Variants in BBX observed in about 807,000 individuals in gnomAD.
BBX encodes BBX high mobility group box domain containing.
Under a neutral mutation model 100.2 loss-of-function variants are expected in BBX, and 30 were observed. The observed-to-expected ratio is 0.30, with a 90% CI of 0.22 to 0.41. BBX has a LOEUF of 0.41. Ranked by LOEUF, BBX falls within the 10% of genes least tolerant of loss-of-function variation. BBX has a pLI of 1.00. For synonymous variants in BBX, 376 were observed against 388.1 expected, an observed-to-expected ratio of 0.97 and a Z score of 0.37; for missense variants, 1,023 against 1,129.8, an observed-to-expected ratio of 0.91 and a Z score of 1.35.
At chr3:107,801,031 T>C (rs879858957) in intron 16 of BBX, 64 bp from the exon 17 acceptor site, 1 of 1,498,122 alleles carries the variant, frequency 6.7e-7, no homozygotes, top group Non-Finnish European at 9.1e-7. Context: ...CACAGCGTTT[T>C]CTATGTCTCT....
intron 2 of BBX, among the ~76,000 whole-genome samples, chr3:107,557,877 G>C (rs544080011): frequency 1.4e-4 from 22 of 152,214 alleles, no homozygotes; most frequent in Non-Finnish European, 2.6e-4. Flanking sequence ...TATGGTCAAG[G>C]AATGTTTAGT....
intron 15 of BBX, among the ~76,000 whole-genome samples, chr3:107,791,991 A>C (rs908544926): frequency 2.8e-4 from 42 of 152,204 alleles, no homozygotes; most frequent in Non-Finnish European, 2.2e-4. Flanking sequence ...ACAACAACAA[A>C]AAAGAATAGA....
chr3:107,679,108 G>C lies in BBX; in HGVS notation c.-9-31344G>C, dbSNP rs2059440274. On this transcript the variant is annotated intron_variant, in intron 3 of 17. Transcript: ENST00000325805. ...AGTGAAATTAAGCAGGATGGTCTAG[G>C]ATTTCTTTCAAAGTCATATTTAAGG... 2.0e-5 allele frequency among the ~76,000 whole-genome samples: 3 copies of C among 150,800 alleles called. No homozygotes were observed. The South Asian group carries it at 6.3e-4, about 32-fold the overall frequency.
chr3:107,736,465 C>A (rs2063644470), intron 7 of BBX, among the ~76,000 whole-genome samples: 1 of 149,562 alleles, frequency 6.7e-6, no homozygotes, highest in Non-Finnish European at 1.5e-5. Context: ...AAATGTAGAA[C>A]AAATAAAAGT....
At chr3:107,544,451 T>C (rs1165049463) in intron 2 of BBX, among the ~76,000 whole-genome samples, 1 of 152,196 alleles carries the variant, frequency 6.6e-6, no homozygotes, top group Non-Finnish European at 1.5e-5. Flanking sequence ...CAGGCAGTTA[T>C]ATCCTAGGAA....
intron 10 of BBX, among the ~76,000 whole-genome samples, chr3:107,759,119 G>A (rs2065703377): frequency 6.6e-6 from 1 of 152,180 alleles, no homozygotes; most frequent in African/African-American, 2.4e-5. Flanking sequence ...GAGATACTTG[G>A]ATTGGCCTGT....
intron 10 of BBX, among the ~76,000 whole-genome samples, chr3:107,757,039 A>G (rs1433270780): frequency 1.3e-5 from 2 of 152,254 alleles, no homozygotes; most frequent in South Asian, 2.1e-4. Flanking sequence ...TTTTTCTTGA[A>G]TAATATGGAT....
intron 3 of BBX, among the ~76,000 whole-genome samples, chr3:107,692,342 C>T (rs1479034840): frequency 6.6e-6 from 1 of 151,934 alleles, no homozygotes; most frequent in Non-Finnish European, 1.5e-5. Flanking sequence ...CTATCCCTCC[C>T]CCCTCACCCC....
At chr3:107,666,967 G>A (rs894902835) in intron 3 of BBX, among the ~76,000 whole-genome samples, 11 of 152,192 alleles carry the variant, frequency 7.2e-5, no homozygotes, top group Admixed American at 2.0e-4. Context: ...GGGCTATACA[G>A]CCATGAGGCA....
chr3:107,805,570 G>T lies in BBX; in HGVS notation c.*113G>T. ...AAATATAGACTGCAAACAAGTGCTT[G>T]TTGCCCCACACGGCCCAGATTCACT... On this transcript the variant is annotated 3_prime_UTR_variant, in exon 18 of 18. Transcript: ENST00000325805. 6.3e-7 allele frequency: 1 copy of T among 1,574,812 alleles called. No individual in the cohort carries two copies.
At chr3:107,558,670 G>T (rs1223336881) in intron 2 of BBX, among the ~76,000 whole-genome samples, 1 of 152,140 alleles carries the variant, frequency 6.6e-6, no homozygotes, top group Non-Finnish European at 1.5e-5. Context: ...TGGGCAGTGG[G>T]TATGCCAATT....
intron 2 of BBX, among the ~76,000 whole-genome samples, chr3:107,581,456 T>C (rs1470449886): frequency 6.6e-6 from 1 of 151,784 alleles, no homozygotes; most frequent in Non-Finnish European, 1.5e-5. Context: ...CCTACCAGGT[T>C]TGAAGTGAAG....
At chr3:107,682,786 G>A (rs2059636177) in intron 3 of BBX, among the ~76,000 whole-genome samples, 1 of 152,136 alleles carries the variant, frequency 6.6e-6, no homozygotes, top group Non-Finnish European at 1.5e-5. Flanking sequence ...TGCAGTTGCA[G>A]TAATTATGTG....
intron 5 of BBX, among the ~76,000 whole-genome samples, chr3:107,722,353 C>G (rs1336941209): frequency 6.6e-6 from 1 of 151,782 alleles, no homozygotes; most frequent in African/African-American, 2.4e-5. Context: ...GATCACTGTC[C>G]ACCTTTTTAA....
intron 14 of BBX, among the ~76,000 whole-genome samples, chr3:107,790,234 C>T (rs2068860322): frequency 6.6e-6 from 1 of 152,184 alleles, no homozygotes; most frequent in South Asian, 2.1e-4. Context: ...GCCCTTCATA[C>T]CATGACCACA....
At chr3:107,677,102 C>A (rs937114754) in intron 3 of BBX, among the ~76,000 whole-genome samples, 1 of 151,940 alleles carries the variant, frequency 6.6e-6, no homozygotes, top group Non-Finnish European at 1.5e-5. Flanking sequence ...TCATAGGAAA[C>A]GTTTCTAGAA....
rs868407286 is a variant in BBX at position 107,809,129 on chromosome 3, C to T, written c.*3672C>T. On this transcript the variant is annotated 3_prime_UTR_variant, in exon 18 of 18. Transcript: ENST00000325805. ...GCTCAATGTATGGAAATGTTTGCAC[C>T]TATGTAAAGTCACAAGCTAATTACA... 6.6e-6 allele frequency: 1 copy of T among 152,198 alleles called. No individual in the cohort carries two copies. Among genetic ancestry groups the T allele is most frequent in the African/African-American group, 2.4e-5 (1 of 41,434 alleles). The allele number at this position is 152,198 out of a possible 1,614,324, so 9.4% of individuals were successfully genotyped here. A position where few individuals can be genotyped will look rare whatever the true frequency, so the allele number is the denominator to read the frequency against.
intron 3 of BBX, among the ~76,000 whole-genome samples, chr3:107,691,981 G>A (rs1041384856): frequency 3.3e-5 from 5 of 152,022 alleles, no homozygotes; most frequent in African/African-American, 4.8e-5. Flanking sequence ...GCTTTATGAA[G>A]TGAAGTCGAT....
intron 14 of BBX, 115 bp from the exon 15 acceptor site, chr3:107,791,125 C>A: frequency 1.3e-6 from 1 of 759,910 alleles, no homozygotes; most frequent in Admixed American, 2.2e-5. Context: ...TAAAATTCAG[C>A]TTTATTTGTG....
Sources: allele counts gnomAD v4.1 joint callset (sites outside exome capture counted in the v4.1 genomes callset), GRCh38; gene constraint gnomAD v4.1.1; transcripts MANE v1.5; gene names NCBI Gene and HGNC (gene_info 2026-07-23, HGNC 2026-07-21).